Variants in SLC18A2 observed in about 807,000 individuals in gnomAD.
The protein encoded by SLC18A2 is synaptic vesicular amine transporter.
A neutral mutation model predicts 59.2 loss-of-function variants in SLC18A2; 33 were observed. The observed-to-expected ratio is 0.56, with a 90% CI of 0.42 to 0.75. The LOEUF is 0.75. Among genes scored for constraint, SLC18A2 ranks in the 30% least tolerant of loss-of-function variants. SLC18A2 has a pLI of 0.00. For missense variants in SLC18A2, 569 were observed against 668.6 expected (o/e 0.85, Z 1.64); for synonymous variants, 228 against 253.5 (o/e 0.90, Z 0.95).
rs1456148067 is a variant in SLC18A2 at position 117,269,296 on chromosome 10, CACAT to C, written c.1187-767_1187-764del. Among the ~76,000 whole-genome samples, 13 of 150,648 alleles carry C rather than the reference CACAT, an allele frequency of 8.6e-5. No homozygotes were observed. The highest frequency in any genetic ancestry group is 1.3e-4 in the Admixed American group (2 of 15,002). On this transcript the variant is annotated intron_variant, in intron 13 of 15. Coordinates refer to ENST00000644641, the MANE Select transcript of SLC18A2 (RefSeq NM_003054.6). This position sits in a 1 kb window ranked among gnomAD's most constrained non-coding sequence, Gnocchi z 5.1. ...GCAAACACATGTACACACATATATA[CACAT>C]ACATACACAGATACATATATACATA... is the stretch of plus-strand genomic sequence containing the variant.
At position 117,255,693 on chromosome 10, in the gene SLC18A2, C is replaced by T. The variant is rs370051198; in HGVS notation, c.895+36C>T. On this transcript the variant is annotated intron_variant, in intron 9 of 15. Transcript: ENST00000644641. ...GTGGGTCTTCTGAGTCAGGGGAATG[C>T]GAGGTGATGGCCGCGTGCTGGAGGC... is the stretch of plus-strand genomic sequence containing the variant. The T allele has an allele frequency of 3.8e-5, 61 of 1,597,720 alleles. No homozygotes were observed. The African/African-American group carries it at 5.6e-4, about 15-fold the overall frequency.
chr10:117,267,102 A>G, intron 12 of SLC18A2, 67 bp downstream of exon 12: 1 of 1,182,312 alleles, frequency 8.5e-7, no homozygotes, highest in Non-Finnish European at 1.2e-6. Context: ...TTGGGCAAGA[A>G]TCACCAAGAA....
intron 3 of SLC18A2, among the ~76,000 whole-genome samples, chr10:117,251,991 C>G (rs1045101057): frequency 6.6e-6 from 1 of 152,074 alleles, no homozygotes; most frequent in African/African-American, 2.4e-5. Flanking sequence ...CAGAATCTCG[C>G]TCTGTCACCC....
In SLC18A2 at chr10:117,269,029, CACACACAT is replaced by C. The variant is rs1293862946; in HGVS notation, c.1187-1029_1187-1022del. Among the ~76,000 whole-genome samples, 14 of 150,012 alleles carry C rather than the reference CACACACAT, an allele frequency of 9.3e-5. No homozygotes were observed. The highest frequency in any genetic ancestry group is 1.3e-4 in the Non-Finnish European group (9 of 67,408). On this transcript the variant is annotated intron_variant, in intron 13 of 15. Transcript: ENST00000644641. The surrounding 1 kb of genome is among the most constrained non-coding windows in gnomAD (Gnocchi z 5.1). Reference sequence around the variant, plus strand: ...ATACACACACTGACACACGCATACACACACACATACACACATACACCCCCCACATAAAC... The same window carrying C: ...ATACACACACTGACACACGCATACACACACACATACACCCCCCACATAAAC...
intron 3 of SLC18A2, among the ~76,000 whole-genome samples, chr10:117,246,201 G>T (rs1201259846): frequency 6.6e-6 from 1 of 152,158 alleles, no homozygotes; most frequent in Non-Finnish European, 1.5e-5. Flanking sequence ...TGAAAATTGA[G>T]GACATTATCG....
chr10:117,273,615 T>G (rs926223328), intron 15 of SLC18A2, among the ~76,000 whole-genome samples: 1 of 152,222 alleles, frequency 6.6e-6, no homozygotes, highest in African/African-American at 2.4e-5. Flanking sequence ...GACCACATTC[T>G]GCATATTCTA....
chr10:117,268,879 A>G (rs1844381742), intron 13 of SLC18A2, among the ~76,000 whole-genome samples: 1 of 151,668 alleles, frequency 6.6e-6, no homozygotes, highest in African/African-American at 2.4e-5. Flanking sequence ...TGTTGTGTGT[A>G]TGAGTGTGTA....
chr10:117,244,805 T>C lies in SLC18A2; in HGVS notation c.464+492T>C, dbSNP rs140633506. Among the ~76,000 whole-genome samples, 214 of 152,282 alleles carry C rather than the reference T, an allele frequency of 1.4e-3. 1 individual carries two copies. The highest frequency in any genetic ancestry group is 4.9e-3 in the African/African-American group (202 of 41,552). On this transcript the variant is annotated intron_variant, in intron 3 of 15. Transcript: ENST00000644641. ...ACCAGGTAGGGAGTGTGGGAAAAGG[T>C]TGGACGCACTGGTGCGCAGATGGAG...
At chr10:117,243,924 AG>A in intron 2 of SLC18A2, 46 bp from the exon 3 acceptor site, 2 of 1,475,874 alleles carry the variant, frequency 1.4e-6, no homozygotes, top group East Asian at 2.3e-5. Flanking sequence ...TTTCCTGGAG[AG>A]GGTTTCAGTG....
chr10:117,259,453 A>ATTCC (rs1273299915), intron 10 of SLC18A2, among the ~76,000 whole-genome samples: 1 of 152,020 alleles, frequency 6.6e-6, no homozygotes, highest in Non-Finnish European at 1.5e-5. Flanking sequence ...TGTTTCCTGT[A>ATTCC]TTCCTTGCCC....
At chr10:117,247,256 G>A (rs1221027297) in intron 3 of SLC18A2, among the ~76,000 whole-genome samples, 2 of 152,174 alleles carry the variant, frequency 1.3e-5, no homozygotes, top group Non-Finnish European at 2.9e-5. Context: ...GTGTTTAAAG[G>A]CTTTTTAAAA....
At chr10:117,267,385 C>A (rs750695223) in intron 12 of SLC18A2, 133 of 449,448 alleles carry the variant, frequency 3.0e-4, no homozygotes, top group Non-Finnish European at 4.2e-4. Flanking sequence ...CAATATCCAT[C>A]CCTCATGAGG....
intron 3 of SLC18A2, among the ~76,000 whole-genome samples, chr10:117,251,257 G>A (rs1047328463): frequency 6.6e-6 from 1 of 152,172 alleles, no homozygotes; most frequent in African/African-American, 2.4e-5. Context: ...TTCTTTCATG[G>A]GACAAACTGT....
rs147666300 is a variant in SLC18A2 at position 117,255,344 on chromosome 10, C to T, written c.768C>T (p.Ala256=). 136 of 1,614,246 alleles carry T rather than the reference C, an allele frequency of 8.4e-5. No homozygotes were observed. In the African/African-American group the frequency reaches 1.3e-3, roughly 16 times the overall value. Residue 256 remains alanine, a synonymous_variant, in exon 7 of 16, where the codon GCC becomes GCT. Coordinates refer to ENST00000644641, the MANE Select transcript of SLC18A2 (RefSeq NM_003054.6). ...AGACGGCTCCGTTCCTGGTGCTGGCCGCCCTGGTACTCTTGGATGGAGGTG... is the reference window on the plus strand; with the variant it reads ...AGACGGCTCCGTTCCTGGTGCTGGCTGCCCTGGTACTCTTGGATGGAGGTG... ...VGKTAPFLVL[A]ALVLLDGAIQ...
At chr10:117,271,299 G>T (rs1844422945) in intron 15 of SLC18A2, among the ~76,000 whole-genome samples, 1 of 152,182 alleles carries the variant, frequency 6.6e-6, no homozygotes, top group African/African-American at 2.4e-5. Context: ...TAGATGTGAG[G>T]TTTGTTTGTA....
At chr10:117,251,541 AC>A (rs1482980801) in intron 3 of SLC18A2, among the ~76,000 whole-genome samples, 1 of 152,152 alleles carries the variant, frequency 6.6e-6, no homozygotes, top group Non-Finnish European at 1.5e-5. Context: ...ATCTCTGTTC[AC>A]AGCAGGGGAA....
At chr10:117,258,146 C>T (rs547431023) in intron 10 of SLC18A2, among the ~76,000 whole-genome samples, 1 of 152,204 alleles carries the variant, frequency 6.6e-6, no homozygotes, top group Non-Finnish European at 1.5e-5. Flanking sequence ...ATACAGTCAG[C>T]ATCTTCCCCT....
At chr10:117,271,978 C>T (rs75761232) in intron 15 of SLC18A2, among the ~76,000 whole-genome samples, 1,576 of 152,214 alleles carry the variant, frequency 0.01, 24 homozygotes, top group African/African-American at 0.036. Flanking sequence ...TACAAATGCT[C>T]CTGTAGCCCA....
chr10:117,244,979 A>T (rs747841397), intron 3 of SLC18A2, among the ~76,000 whole-genome samples: 5 of 152,240 alleles, frequency 3.3e-5, no homozygotes, highest in Non-Finnish European at 7.3e-5. Context: ...AGGCTGTTCT[A>T]GATTTTTTTG....
Sources: allele counts gnomAD v4.1 joint callset (sites outside exome capture counted in the v4.1 genomes callset), GRCh38; gene constraint gnomAD v4.1.1; non-coding constraint Gnocchi (gnomAD v3.1); transcripts MANE v1.5; gene names NCBI Gene and HGNC (gene_info 2026-07-23, HGNC 2026-07-21).